Variants in MANBA observed in about 807,000 individuals in gnomAD.
MANBA encodes mannosidase beta, also known as beta-mannosidase.
A neutral mutation model predicts 111.1 loss-of-function variants in MANBA; 83 were observed. The observed-to-expected ratio is 0.75, with a 90% CI of 0.63 to 0.90. MANBA has a LOEUF of 0.90. Ranked by LOEUF, MANBA falls within the 40% of genes least tolerant of loss-of-function variation. The pLI, the probability that MANBA is intolerant of heterozygous loss-of-function variation, is 0.00. For synonymous variants in MANBA, 370 were observed against 378.7 expected (o/e 0.98, Z 0.27); for missense variants, 1,036 against 1,069.0 (o/e 0.97, Z 0.43).
chr4:102,730,702 C>T (rs1044783063), intron 1 of MANBA: 1 of 534,260 alleles, frequency 1.9e-6, no homozygotes, highest in Non-Finnish European at 3.8e-6. Context: ...CATGAACGCT[C>T]CTTCTGGATT....
At chr4:102,665,684 T>C (rs1731188379) in intron 10 of MANBA, 1 of 152,248 alleles carries the variant, frequency 6.6e-6, no homozygotes, top group South Asian at 2.1e-4. Context: ...TGTCCCTTCT[T>C]CTAATACACT....
chr4:102,676,610 C>T (rs556965560), intron 7 of MANBA, among the ~76,000 whole-genome samples: 2 of 152,314 alleles, frequency 1.3e-5, no homozygotes, highest in East Asian at 3.9e-4. Context: ...TTTTGCTTTA[C>T]AAATGAGTGA....
chr4:102,755,413 G>C lies in MANBA; in HGVS notation c.177+5305C>G, dbSNP rs968499244. ...TAAATGGTGCTGGGAAAACTGGCTA[G>C]CCAAATGTAGAAAGCTGAAACTGGA... On this transcript the variant is annotated intron_variant, in intron 1 of 16. Transcript: ENST00000647097. 1.3e-4 allele frequency among the ~76,000 whole-genome samples: 20 copies of C among 152,210 alleles called. 1 individual carries two copies. Among genetic ancestry groups the C allele is most frequent in the Admixed American group, 8.5e-4 (13 of 15,284 alleles).
Position 102,634,939 on chromosome 4 carries a change from G to A in MANBA, c.2264C>T (p.Ser755Phe). ...EAVCLYEEPV[S>F]ELLRRCGNCT... ...ATTCCCACATCTCCTCAGCAATTCA[G>A]ACACTGGCTCCTCATAAAGGCAGAC... Residue 755 changes from serine (S) to phenylalanine (F), a missense_variant, in exon 16 of 17, where the codon TCT becomes TTT. Coordinates refer to ENST00000647097, the MANE Select transcript of MANBA (RefSeq NM_005908.4). 1 of 1,614,206 alleles carries A rather than the reference G, an allele frequency of 6.2e-7. No individual in the cohort carries two copies. The highest frequency in any genetic ancestry group is 8.5e-7 in the Non-Finnish European group (1 of 1,180,042).
intron 8 of MANBA, among the ~76,000 whole-genome samples, chr4:102,673,646 T>C (rs1205523124): frequency 6.6e-6 from 1 of 152,254 alleles, no homozygotes; most frequent in Admixed American, 6.5e-5. Flanking sequence ...TTACTCATTT[T>C]CTTATTTCTC....
intron 5 of MANBA, among the ~76,000 whole-genome samples, chr4:102,696,185 C>T (rs1732698362): frequency 6.6e-6 from 1 of 152,132 alleles, no homozygotes; most frequent in South Asian, 2.1e-4. Context: ...GAGATTGCTC[C>T]ACTACACTCC....
chr4:102,701,912 G>T (rs962231321), intron 5 of MANBA, among the ~76,000 whole-genome samples: 2 of 151,716 alleles, frequency 1.3e-5, no homozygotes, highest in Non-Finnish European at 2.9e-5. Flanking sequence ...GGCCTGCCTT[G>T]CTAGATTGGC....
chr4:102,683,544 G>A (rs1024437839), intron 7 of MANBA, among the ~76,000 whole-genome samples: 4 of 152,072 alleles, frequency 2.6e-5, no homozygotes, highest in Non-Finnish European at 4.4e-5. Flanking sequence ...ATTAAAACAC[G>A]TTACCTAGTC....
At position 102,673,983 on chromosome 4, in the gene MANBA, T is replaced by C. The variant is rs1350430591; in HGVS notation, c.1048A>G (p.Ile350Val). The C allele has an allele frequency of 1.2e-6, 2 of 1,609,084 alleles. No homozygotes were observed. The highest frequency in any genetic ancestry group is 1.7e-6 in the Non-Finnish European group (2 of 1,175,556). ...ATCCAGTTTGAGCCTTTTAGAAATA[T>C]GGGAAATCCATTAATTTTGAAATAG... ...SFYFKINGFP[I>V]FLKGSNWIPA... The change falls in exon 8 of 17, where the codon ATA becomes GTA. Residue 350 changes from isoleucine to valine, a missense_variant. Ile to Val is a conservative substitution (Grantham distance 29, BLOSUM62 3). Transcript: ENST00000647097.
intron 12 of MANBA, among the ~76,000 whole-genome samples, chr4:102,651,888 C>CT (rs994881239): frequency 4.6e-5 from 7 of 152,194 alleles, no homozygotes; most frequent in Non-Finnish European, 8.8e-5. Flanking sequence ...ATCTCGCACA[C>CT]TTTTTAGACA....
At chr4:102,691,211 T>C (rs1732459927) in intron 5 of MANBA, among the ~76,000 whole-genome samples, 1 of 152,134 alleles carries the variant, frequency 6.6e-6, no homozygotes, top group Non-Finnish European at 1.5e-5. Flanking sequence ...TAAATTTATA[T>C]GTATTAAAAT....
chr4:102,679,795 A>G (rs886554831), intron 7 of MANBA: 1 of 152,212 alleles, frequency 6.6e-6, no homozygotes, highest in African/African-American at 2.4e-5. Flanking sequence ...TTAGAAAAGT[A>G]TTAAACATAA....
intron 5 of MANBA, among the ~76,000 whole-genome samples, chr4:102,703,236 T>A (rs765614511): frequency 1.1e-4 from 16 of 152,186 alleles, no homozygotes; most frequent in Non-Finnish European, 1.8e-4. Flanking sequence ...GCTCAAGTAA[T>A]CCTCCTGAAA....
chr4:102,668,345 G>A (rs572361925), intron 10 of MANBA: 2 of 131,144 alleles, frequency 1.5e-5, no homozygotes, highest in East Asian at 2.5e-4. Flanking sequence ...ACCTGGAGTC[G>A]GCCATTTCTC....
intron 5 of MANBA, among the ~76,000 whole-genome samples, chr4:102,701,768 C>T (rs1054331705): frequency 2.0e-5 from 3 of 152,044 alleles, no homozygotes; most frequent in African/African-American, 7.3e-5. Flanking sequence ...GGTAACCTGA[C>T]CTTTCTCTCT....
rs1723688090 is a variant in MANBA, at chr4:102,749,020, T to C, written c.177+11698A>G. On this transcript the variant is annotated intron_variant, in intron 1 of 16. Transcript: ENST00000647097. ...AAAAAAAAGAAAACAATGAGCTAGG[T>C]TGATAGCGGTAGAAATGTTAAGGAA... is the stretch of plus-strand genomic sequence containing the variant. 2.6e-5 allele frequency among the ~76,000 whole-genome samples: 4 copies of C among 152,078 alleles called. No individual in the cohort carries two copies. In the South Asian group the frequency reaches 8.3e-4, roughly 32 times the overall value.
chr4:102,717,865 G>A (rs1722403974), intron 4 of MANBA, among the ~76,000 whole-genome samples: 1 of 152,214 alleles, frequency 6.6e-6, no homozygotes, highest in African/African-American at 2.4e-5. Flanking sequence ...TAAAGGCAAT[G>A]AGAAGCTGTT....
chr4:102,668,282 GC>G (rs1731314828), intron 10 of MANBA: 1 of 153,326 alleles, frequency 6.5e-6, no homozygotes, highest in Non-Finnish European at 1.5e-5. Flanking sequence ...TAACACCATT[GC>G]CATTTGTGAA....
intron 4 of MANBA, among the ~76,000 whole-genome samples, chr4:102,719,657 T>G (rs776042967): frequency 6.6e-5 from 10 of 152,236 alleles, no homozygotes; most frequent in Admixed American, 3.3e-4. Context: ...TTTTGAATGG[T>G]TGTATAGCAC....
Sources: gnomAD v4.1 joint callset for allele counts (sites outside exome capture counted in the v4.1 genomes callset) on GRCh38, gnomAD v4.1.1 for gene constraint, MANE v1.5 for transcripts, NCBI Gene and HGNC (gene_info 2026-07-23, HGNC 2026-07-21) for gene names.